EP300: variants seen among roughly 807,000 people sequenced by gnomAD.
The protein encoded by EP300 is EP300 lysine acetyltransferase.
In EP300, 31 loss-of-function variants were observed where a neutral mutation model predicts 264.0. That is an observed-to-expected ratio of 0.12 (90% CI 0.09 to 0.16). The LOEUF (loss-of-function observed/expected upper bound fraction) is 0.16. Ranked by LOEUF, EP300 falls within the 10% of genes least tolerant of loss-of-function variation. EP300 has a pLI of 1.00. For synonymous variants in EP300, 1,340 were observed against 1,045.4 expected (o/e 1.28, Z -5.44); for missense variants, 2,766 against 3,052.9 (o/e 0.91, Z 2.21).
At chr22:41,156,837 T>C (rs1569110726) in intron 17 of EP300, among the ~76,000 whole-genome samples, 1 of 152,212 alleles carries the variant, frequency 6.6e-6, no homozygotes, top group East Asian at 1.9e-4. Context: ...AGTTTCCTCA[T>C]TGTACACCCC....
At chr22:41,169,405 C>T (rs2059157491) in intron 25 of EP300, 98 bp from the exon 26 acceptor site, 1 of 788,804 alleles carries the variant, frequency 1.3e-6, no homozygotes, top group Non-Finnish European at 2.2e-6. Context: ...AGCAAAGAGC[C>T]TGGGAGAGTG....
intron 29 of EP300, among the ~76,000 whole-genome samples, chr22:41,175,217 T>TC (rs2059193318): frequency 6.6e-6 from 1 of 152,186 alleles, no homozygotes; most frequent in African/African-American, 2.4e-5. Context: ...AGGTTGTAAA[T>TC]CCAAGTATTG....
At position 41,149,910 on chromosome 22, in the gene EP300, C is replaced by G; in HGVS notation, c.2529C>G (p.His843Gln). The change falls in exon 14 of 31, where the codon CAC becomes CAG. Residue 843 changes from histidine to glutamine, a missense_variant. Coordinates refer to ENST00000263253, the MANE Select transcript of EP300 (RefSeq NM_001429.4). ...SPVPSRTPTPHHTPPSIGAQQ... is the reference protein window; with the variant it reads ...SPVPSRTPTPQHTPPSIGAQQ... ...TACCTAGTCGTACCCCCACCCCTCA[C>G]CATACTCCCCCAAGCATAGGGGCTC... 1 of 1,613,818 alleles carries G rather than the reference C, an allele frequency of 6.2e-7. No individual in the cohort carries two copies. Among genetic ancestry groups the G allele is most frequent in the Non-Finnish European group, 8.5e-7 (1 of 1,179,942 alleles).
At chr22:41,130,350 C>A (rs1465193304) in intron 5 of EP300, among the ~76,000 whole-genome samples, 2 of 151,706 alleles carry the variant, frequency 1.3e-5, no homozygotes, top group Admixed American at 6.6e-5. Context: ...CCCAGGAGTT[C>A]AAGACCAGCC....
At chr22:41,166,919 A>G (rs2059137750) in intron 23 of EP300, among the ~76,000 whole-genome samples, 1 of 152,130 alleles carries the variant, frequency 6.6e-6, no homozygotes, top group South Asian at 2.1e-4. Flanking sequence ...ATTTTTCCCT[A>G]TTTGGGGCAT....
intron 1 of EP300, among the ~76,000 whole-genome samples, chr22:41,106,400 C>T (rs1332659442): frequency 1.2e-4 from 19 of 152,114 alleles, no homozygotes; most frequent in Admixed American, 1.2e-3. Flanking sequence ...AATTCCAAAT[C>T]TCTAACCTGG....
intron 25 of EP300, 73 bp from the exon 26 acceptor site, chr22:41,169,430 G>T: frequency 1.1e-6 from 1 of 898,256 alleles, no homozygotes. Context: ...GGTGTTATTA[G>T]GCACATGGAG....
chr22:41,154,628 G>A lies in EP300; in HGVS notation c.3143-367G>A, dbSNP rs568704391. 3.3e-5 allele frequency among the ~76,000 whole-genome samples: 5 copies of A among 152,088 alleles called. No homozygotes were observed. The East Asian group carries it at 9.7e-4, about 29-fold the overall frequency. ...ACCTCAAAGTGATCTGCCCACCTCAGCCTCCACCGTGCCTGGTCCCATGGA... is the reference window on the plus strand; with the variant it reads ...ACCTCAAAGTGATCTGCCCACCTCAACCTCCACCGTGCCTGGTCCCATGGA... On this transcript the variant is annotated intron_variant, in intron 16 of 30. Transcript: ENST00000263253.
Position 41,178,214 on chromosome 22 carries a change from T to G in EP300, c.6503T>G (p.Met2168Arg). 6.2e-7 allele frequency: 1 copy of G among 1,613,986 alleles called. No individual in the cohort carries two copies. Among genetic ancestry groups the G allele is most frequent in the Admixed American group, 1.7e-5 (1 of 60,010 alleles). Residue 2168 changes from methionine to arginine, a missense_variant, in exon 31 of 31, where the codon ATG (methionine) becomes AGG (arginine). Coordinates refer to ENST00000263253, the MANE Select transcript of EP300 (RefSeq NM_001429.4). Reference protein sequence around the residue: ...MGGMSPQAQQMNMNHNTMPSQ... With the variant: ...MGGMSPQAQQRNMNHNTMPSQ... ...GGGATGAGCCCCCAGGCTCAGCAGA[T>G]GAACATGAACCACAACACCATGCCT...
intron 1 of EP300, among the ~76,000 whole-genome samples, chr22:41,116,159 C>G (rs888034462): frequency 6.6e-6 from 1 of 151,612 alleles, no homozygotes; most frequent in Non-Finnish European, 1.5e-5. Flanking sequence ...TTTTTTTTAA[C>G]AAAAAATAAA....
At chr22:41,176,206 C>A (rs185116512) in intron 29 of EP300, 41 bp from the exon 30 acceptor site, 1 of 1,611,338 alleles carries the variant, frequency 6.2e-7, no homozygotes, top group Non-Finnish European at 8.5e-7. Context: ...GATGACAGAG[C>A]GAGGCCCTGT....
intron 1 of EP300, 71 bp downstream of exon 1, chr22:41,093,169 A>AT (rs901373416): frequency 0.011 from 14,134 of 1,288,688 alleles, 2 homozygotes; most frequent in Non-Finnish European, 0.013. Flanking sequence ...TTATTCTTCC[A>AT]TTTTTTTTTT....
Position 41,127,655 on chromosome 22 carries a change from G to T in EP300, c.1075G>T (p.Gly359Trp). Reference protein sequence around the residue: ...HKCQRREQANGEVRQCNLPHC... With the variant: ...HKCQRREQANWEVRQCNLPHC... ...GTGCCAGCGCCGGGAACAGGCCAATGGGGAAGTGAGGCAGTGCAACCTTCC... is the reference window on the plus strand; with the variant it reads ...GTGCCAGCGCCGGGAACAGGCCAATTGGGAAGTGAGGCAGTGCAACCTTCC... Residue 359 changes from glycine (G) to tryptophan (W), a missense_variant, in exon 4 of 31, where the codon GGG becomes TGG. Gly to Trp is a radical substitution (Grantham distance 184). Transcript: ENST00000263253. 6.2e-7 allele frequency: 1 copy of T among 1,614,186 alleles called. No homozygotes were observed. Among genetic ancestry groups the T allele is most frequent in the Non-Finnish European group, 8.5e-7 (1 of 1,180,048 alleles).
Position 41,166,603 on chromosome 22 carries a change from G to C in EP300, c.3811G>C (p.Val1271Leu), listed in dbSNP as rs190692702. 1.2e-6 allele frequency: 2 copies of C among 1,612,584 alleles called. No homozygotes were observed. Among genetic ancestry groups the C allele is most frequent in the Admixed American group, 1.7e-5 (1 of 59,964 alleles). The change falls in exon 23 of 31, where the codon GTC (valine) becomes CTC (leucine). Residue 1271 changes from valine (V) to leucine (L), a missense_variant. Val to Leu is a conservative substitution (Grantham distance 32, BLOSUM62 1). Coordinates refer to ENST00000263253, the MANE Select transcript of EP300 (RefSeq NM_001429.4). The part of the protein sequence containing the change: ...HHEIIWPAGF[V>L]CDGCLKKSAR... Reference sequence around the variant, plus strand: ...AAAGTTTTGGTTTACATTTAGATTCGTCTGTGATGGCTGTTTAAAGAAAAG... The same window carrying C: ...AAAGTTTTGGTTTACATTTAGATTCCTCTGTGATGGCTGTTTAAAGAAAAG...
chr22:41,164,224 C>T, intron 22 of EP300, 94 bp downstream of exon 22: 1 of 1,138,794 alleles, frequency 8.8e-7, no homozygotes, highest in South Asian at 1.3e-5. Context: ...ATTATATCTT[C>T]AAAGTTACTA....
Position 41,147,822 on chromosome 22 carries a change from T to A in EP300, c.2132-15T>A. 1 of 1,551,408 alleles carries A rather than the reference T, an allele frequency of 6.4e-7. No homozygotes were observed. Among genetic ancestry groups the A allele is most frequent in the Non-Finnish European group, 8.9e-7 (1 of 1,122,804 alleles). Reference sequence around the variant, plus strand: ...ACAAAGGCATTCAGATCTAACATTTTGCTCATATTCACAGGTTTGAATCAA... The same window carrying A: ...ACAAAGGCATTCAGATCTAACATTTAGCTCATATTCACAGGTTTGAATCAA... On this transcript the variant is annotated splice_polypyrimidine_tract_variant and intron_variant, in intron 11 of 30. Coordinates refer to ENST00000263253, the MANE Select transcript of EP300 (RefSeq NM_001429.4).
At chr22:41,148,532 C>T (rs1299325538) in intron 12 of EP300, among the ~76,000 whole-genome samples, 1 of 152,096 alleles carries the variant, frequency 6.6e-6, no homozygotes, top group African/African-American at 2.4e-5. Flanking sequence ...TTCTTTAAGG[C>T]CTGAATTTGT....
intron 1 of EP300, among the ~76,000 whole-genome samples, chr22:41,096,652 C>G (rs373652450): frequency 3.9e-5 from 5 of 126,964 alleles, no homozygotes; most frequent in African/African-American, 1.5e-4. Context: ...GAGGTTTGCT[C>G]TCGTTGCCCA....
At chr22:41,098,132 A>G (rs2058712040) in intron 1 of EP300, among the ~76,000 whole-genome samples, 1 of 151,982 alleles carries the variant, frequency 6.6e-6, no homozygotes, top group South Asian at 2.1e-4. Context: ...TATATCTCCT[A>G]ATGCTATCCC....
Sources: gnomAD v4.1 joint callset for allele counts (sites outside exome capture counted in the v4.1 genomes callset) on GRCh38, gnomAD v4.1.1 for gene constraint, MANE v1.5 for transcripts, NCBI Gene and HGNC (gene_info 2026-07-23, HGNC 2026-07-21) for gene names.